VPS36: variants seen among roughly 807,000 people sequenced by gnomAD.
VPS36 encodes vacuolar protein sorting 36 homolog.
In VPS36, 31 loss-of-function variants were observed where a neutral mutation model predicts 63.5. That is an observed-to-expected ratio of 0.49 (90% CI 0.37 to 0.66). VPS36 has a LOEUF of 0.66. Ranked by LOEUF, VPS36 falls within the 30% of genes least tolerant of loss-of-function variation. The pLI is 0.00. For missense variants in VPS36, 338 were observed against 463.7 expected (o/e 0.73, Z 2.49); for synonymous variants, 138 against 157.2 (o/e 0.88, Z 0.91).
intron 1 of VPS36, among the ~76,000 whole-genome samples, chr13:52,444,438 T>C (rs1271278558): frequency 1.3e-5 from 2 of 150,638 alleles, no homozygotes; most frequent in South Asian, 2.1e-4. Context: ...CCAGCCTGGG[T>C]GACAGAGCAA....
intron 3 of VPS36, among the ~76,000 whole-genome samples, chr13:52,438,638 T>C (rs1264144025): frequency 6.6e-6 from 1 of 152,220 alleles, no homozygotes; most frequent in Non-Finnish European, 1.5e-5. Context: ...TCTCCTGGTG[T>C]GCCTGGGATA....
In VPS36 at chr13:52,447,785, A is replaced by ATT. The variant is rs11439849; in HGVS notation, c.96+2712_96+2713dup. ...CCGGTGACTGCTACATTATGAAGTCATTTTTTTTTTTTTTTGAGACAGAAT... is the reference window on the plus strand; with the variant it reads ...CCGGTGACTGCTACATTATGAAGTCATTTTTTTTTTTTTTTTTGAGACAGAAT... On this transcript the variant is annotated intron_variant, in intron 1 of 13. Coordinates refer to ENST00000378060, the MANE Select transcript of VPS36 (RefSeq NM_016075.4). 8.8e-3 allele frequency among the ~76,000 whole-genome samples: 1,284 copies of ATT among 145,398 alleles called. 6 individuals carry two copies. Among genetic ancestry groups the ATT allele is most frequent in the African/African-American group, 0.017 (675 of 39,346 alleles).
chr13:52,449,652 A>G (rs1436056203), intron 1 of VPS36, among the ~76,000 whole-genome samples: 1 of 152,218 alleles, frequency 6.6e-6, no homozygotes, highest in Non-Finnish European at 1.5e-5. Flanking sequence ...TGGGTAAATG[A>G]GTTTTAAAAT....
At chr13:52,439,697 C>T (rs1215925789) in intron 2 of VPS36, among the ~76,000 whole-genome samples, 13 of 152,138 alleles carry the variant, frequency 8.5e-5, no homozygotes, top group African/African-American at 2.4e-4. Context: ...CCACCTGGCT[C>T]GGCCTCCCAA....
chr13:52,429,606 C>T (rs1958135578), intron 6 of VPS36, among the ~76,000 whole-genome samples: 1 of 152,066 alleles, frequency 6.6e-6, no homozygotes, highest in African/African-American at 2.4e-5. Context: ...GGAATATCTG[C>T]TGAATAAATT....
At chr13:52,418,136 T>C in intron 10 of VPS36, 80 bp from the exon 11 acceptor site, 1 of 1,258,962 alleles carries the variant, frequency 7.9e-7, no homozygotes, top group Non-Finnish European at 1.1e-6. Flanking sequence ...AAAATTACCA[T>C]TTATCAATAA....
chr13:52,417,945 C>T (rs776696074), intron 11 of VPS36, 47 bp downstream of exon 11: 1 of 1,551,652 alleles, frequency 6.4e-7, no homozygotes, highest in Non-Finnish European at 8.9e-7. Flanking sequence ...CTACCCCATG[C>T]AGAATCATGG....
At chr13:52,417,534 A>G (rs1026304924) in intron 11 of VPS36, among the ~76,000 whole-genome samples, 1 of 152,048 alleles carries the variant, frequency 6.6e-6, no homozygotes, top group Non-Finnish European at 1.5e-5. Flanking sequence ...CTAATTTTGT[A>G]TTTTTAGGAG....
At chr13:52,425,909 A>G (rs546200958) in intron 9 of VPS36, 23 bp downstream of exon 9, 2 of 1,594,714 alleles carry the variant, frequency 1.3e-6, no homozygotes, top group Non-Finnish European at 1.7e-6. Flanking sequence ...GTTTAAAAAA[A>G]AACACATAGG....
intron 1 of VPS36, among the ~76,000 whole-genome samples, chr13:52,449,040 ATAGT>A (rs1463863631): frequency 3.3e-5 from 5 of 152,224 alleles, no homozygotes; most frequent in Non-Finnish European, 7.3e-5. Flanking sequence ...TGAGATCAAG[ATAGT>A]TAAAGTGCCA....
chr13:52,444,352 C>T (rs754847787), intron 1 of VPS36, among the ~76,000 whole-genome samples: 1 of 151,482 alleles, frequency 6.6e-6, no homozygotes, highest in Admixed American at 6.6e-5. Context: ...CCCAGCTACT[C>T]GGGAGGCTGA....
intron 9 of VPS36, among the ~76,000 whole-genome samples, chr13:52,424,351 C>T (rs1355588868): frequency 6.6e-6 from 1 of 151,922 alleles, no homozygotes; most frequent in Non-Finnish European, 1.5e-5. Flanking sequence ...CTGTTAACAT[C>T]ACAAAAAATT....
At chr13:52,425,031 C>A (rs535326830) in intron 9 of VPS36, among the ~76,000 whole-genome samples, 1 of 150,102 alleles carries the variant, frequency 6.7e-6, no homozygotes, top group Non-Finnish European at 1.5e-5. Flanking sequence ...GAGGCCGAGG[C>A]GGGCGGATCA....
rs78756371 is a variant in VPS36 at position 52,437,922 on chromosome 13, G to A, written c.236+1176C>T. Among the ~76,000 whole-genome samples, 1,076 of 150,182 alleles carry A rather than the reference G, an allele frequency of 7.2e-3. 13 individuals are homozygous for A. The highest frequency in any genetic ancestry group is 0.025 in the African/African-American group (1,029 of 40,890). ...TCCAGCCTGGGCAACAAAGCAAGAC[G>A]CTGCCTCAAAAAAAAAAAAATTATG... On this transcript the variant is annotated intron_variant, in intron 3 of 13. Coordinates refer to ENST00000378060, the MANE Select transcript of VPS36 (RefSeq NM_016075.4).
chr13:52,439,034 C>T (rs1431271429), intron 3 of VPS36, 64 bp downstream of exon 3: 5 of 1,483,354 alleles, frequency 3.4e-6, no homozygotes, highest in Non-Finnish European at 4.6e-6. Flanking sequence ...GATAGGACCT[C>T]TTGGCCAATA....
intron 10 of VPS36, among the ~76,000 whole-genome samples, chr13:52,421,712 T>G (rs1023947561): frequency 6.6e-6 from 1 of 151,760 alleles, no homozygotes; most frequent in Non-Finnish European, 1.5e-5. Context: ...TTAGTAGAGA[T>G]AGGGTTTCAC....
At chr13:52,435,997 C>G (rs1958211186) in intron 4 of VPS36, 1 of 262,686 alleles carries the variant, frequency 3.8e-6, no homozygotes, top group African/African-American at 2.2e-5. Context: ...AACTATACCA[C>G]TGAAAACTCT....
At chr13:52,420,119 T>C (rs1958031734) in intron 10 of VPS36, among the ~76,000 whole-genome samples, 1 of 151,254 alleles carries the variant, frequency 6.6e-6, no homozygotes, top group South Asian at 2.1e-4. Flanking sequence ...CCGTCGCCTG[T>C]AATTCCCAGT....
At chr13:52,434,927 A>G (rs772186997) in intron 4 of VPS36, 45 bp from the exon 5 acceptor site, 15 of 1,507,428 alleles carry the variant, frequency 1.0e-5, no homozygotes, top group Middle Eastern at 3.5e-4. Flanking sequence ...GTCAGATTGT[A>G]ACATCCTTGT....
Sources: gnomAD v4.1 joint callset for allele counts (sites outside exome capture counted in the v4.1 genomes callset) on GRCh38, gnomAD v4.1.1 for gene constraint, MANE v1.5 for transcripts, NCBI Gene and HGNC (gene_info 2026-07-23, HGNC 2026-07-21) for gene names.